ARHGAP21: variants seen among roughly 807,000 people sequenced by gnomAD.
ARHGAP21 encodes the protein rho GTPase-activating protein 21.
Under a neutral mutation model 164.6 loss-of-function variants are expected in ARHGAP21, and 38 were observed. That is an observed-to-expected ratio of 0.23 (90% CI 0.18 to 0.30). The LOEUF (loss-of-function observed/expected upper bound fraction) is 0.30. Ranked by LOEUF, ARHGAP21 falls within the 10% of genes least tolerant of loss-of-function variation. ARHGAP21 has a pLI of 1.00. For synonymous variants in ARHGAP21, 766 were observed against 857.9 expected (o/e 0.89, Z 1.87); for missense variants, 1,822 against 2,370.7 (o/e 0.77, Z 4.81).
chr10:24,675,510 T>C (rs1011727626), intron 2 of ARHGAP21, among the ~76,000 whole-genome samples: 3 of 152,224 alleles, frequency 2.0e-5, no homozygotes, highest in Admixed American at 6.5e-5. Context: ...TTTTCACTGG[T>C]GCATACTTGC....
chr10:24,598,965 T>C (rs989033290), intron 14 of ARHGAP21, among the ~76,000 whole-genome samples: 30 of 152,234 alleles, frequency 2.0e-4, no homozygotes, highest in African/African-American at 7.0e-4. Context: ...ATTCATATGG[T>C]TGCTGAGATT....
rs550258313 is a variant in ARHGAP21 at position 24,584,309 on chromosome 10, T to A, written c.*103A>T. ...TGCAAAATGATGAAACCAGCCCAAATGAAGGCTGCATAATAACAATTCTGA... is the reference window on the plus strand; with the variant it reads ...TGCAAAATGATGAAACCAGCCCAAAAGAAGGCTGCATAATAACAATTCTGA... On this transcript the variant is annotated 3_prime_UTR_variant, in exon 26 of 26. Transcript: ENST00000396432. The A allele has an allele frequency of 7.3e-7, 1 of 1,363,740 alleles. No homozygotes were observed. Among genetic ancestry groups the A allele is most frequent in the South Asian group, 1.4e-5 (1 of 69,634 alleles). The allele number at this position is 1,363,740 out of a possible 1,614,324, so 84.5% of individuals were successfully genotyped here.
intron 6 of ARHGAP21, among the ~76,000 whole-genome samples, chr10:24,631,455 A>G (rs538567987): frequency 5.3e-5 from 8 of 152,200 alleles, no homozygotes; most frequent in Non-Finnish European, 1.2e-4. Flanking sequence ...TAATCTAACA[A>G]TATCAGACAT....
chr10:24,692,663 C>T lies in ARHGAP21; in HGVS notation c.64-22266G>A, dbSNP rs1435516651. On this transcript the variant is annotated intron_variant, in intron 2 of 25. Coordinates refer to ENST00000396432, the MANE Select transcript of ARHGAP21 (RefSeq NM_020824.4). Reference sequence around the variant, plus strand: ...CCTGGCCAACATGGCGGAACCCCATCTCTACTAAAAATACAAAAAGTAGCT... The same window carrying T: ...CCTGGCCAACATGGCGGAACCCCATTTCTACTAAAAATACAAAAAGTAGCT... Among the ~76,000 whole-genome samples the T allele has an allele frequency of 2.0e-5, 3 of 152,152 alleles. No homozygotes were observed. The East Asian group carries it at 5.8e-4, about 29-fold the overall frequency.
intron 2 of ARHGAP21, among the ~76,000 whole-genome samples, chr10:24,699,117 A>G (rs1327501018): frequency 6.6e-6 from 1 of 152,136 alleles, no homozygotes; most frequent in East Asian, 1.9e-4. Flanking sequence ...AGTACTGTGT[A>G]TCTATCATTC....
At chr10:24,623,697 G>T (rs528507326) in intron 7 of ARHGAP21, among the ~76,000 whole-genome samples, 1 of 152,328 alleles carries the variant, frequency 6.6e-6, no homozygotes, top group Non-Finnish European at 1.5e-5. Flanking sequence ...ACCTGAAAAG[G>T]AGGATGGGGG....
At chr10:24,616,896 T>C (rs955205099) in intron 9 of ARHGAP21, among the ~76,000 whole-genome samples, 5 of 152,272 alleles carry the variant, frequency 3.3e-5, no homozygotes, top group African/African-American at 1.2e-4. Context: ...GTAAACAAAA[T>C]ACTGTTAATG....
chr10:24,604,920 C>T (rs181089622), intron 11 of ARHGAP21, among the ~76,000 whole-genome samples: 9 of 152,248 alleles, frequency 5.9e-5, no homozygotes, highest in Non-Finnish European at 4.4e-5. Context: ...CTTCAGGAGA[C>T]AGGTTCATGT....
At chr10:24,619,103 TG>T (rs1270422277) in intron 9 of ARHGAP21, among the ~76,000 whole-genome samples, 1 of 152,210 alleles carries the variant, frequency 6.6e-6, no homozygotes, top group Non-Finnish European at 1.5e-5. Flanking sequence ...ACTGTTTAAA[TG>T]AAAGGTTGGT....
At chr10:24,615,528 T>C (rs1833854228) in intron 9 of ARHGAP21, among the ~76,000 whole-genome samples, 1 of 152,190 alleles carries the variant, frequency 6.6e-6, no homozygotes. Context: ...TTTAAAAAAG[T>C]AAAATCCAAG....
chr10:24,704,301 T>C (rs1244789376), intron 2 of ARHGAP21, among the ~76,000 whole-genome samples: 4 of 148,864 alleles, frequency 2.7e-5, no homozygotes, highest in African/African-American at 9.9e-5. Context: ...TTTTTTTTTT[T>C]TTTTTTTGAG....
chr10:24,593,081 A>T (rs1026674617), intron 21 of ARHGAP21, among the ~76,000 whole-genome samples: 3 of 151,594 alleles, frequency 2.0e-5, no homozygotes, highest in African/African-American at 7.2e-5. Flanking sequence ...ATAACATCCC[A>T]GGGGGGTAAA....
At chr10:24,618,140 G>A (rs1834172929) in intron 9 of ARHGAP21, among the ~76,000 whole-genome samples, 1 of 152,128 alleles carries the variant, frequency 6.6e-6, no homozygotes, top group South Asian at 2.1e-4. Flanking sequence ...AAGGACATAA[G>A]TCATCACCTG....
Position 24,586,018 on chromosome 10 carries a change from G to A in ARHGAP21, c.4271C>T (p.Pro1424Leu), listed in dbSNP as rs774810878. ...FAAASRKRKK[P>L]KEKAQPSSSE... ...GCTGCTAGGCTGTGCTTTTTCTTTC[G>A]GCTTCTTCCTCTTGCGACTAGCAGC... Residue 1424 changes from proline (P) to leucine (L), a missense_variant, in exon 26 of 26, where the codon CCG becomes CTG. Pro to Leu is a moderately conservative substitution (Grantham distance 98, BLOSUM62 -3). This residue lies in a region of ARHGAP21 where 333 missense variants were observed against 383.9 expected (regional missense o/e 0.87). Coordinates refer to ENST00000396432, the MANE Select transcript of ARHGAP21 (RefSeq NM_020824.4). The A allele has an allele frequency of 2.6e-5, 42 of 1,613,576 alleles. No homozygotes were observed. The highest frequency in any genetic ancestry group is 3.1e-5 in the Non-Finnish European group (37 of 1,179,984).
At chr10:24,717,490 G>A (rs1845501453) in intron 2 of ARHGAP21, among the ~76,000 whole-genome samples, 1 of 152,138 alleles carries the variant, frequency 6.6e-6, no homozygotes, top group Non-Finnish European at 1.5e-5. Flanking sequence ...AGTCTTGCGG[G>A]TCAGGGAAGG....
chr10:24,687,845 C>G (rs940179522), intron 2 of ARHGAP21, among the ~76,000 whole-genome samples: 3 of 152,140 alleles, frequency 2.0e-5, no homozygotes, highest in Non-Finnish European at 4.4e-5. Context: ...AAGCTACAGA[C>G]GGTCAGACAC....
intron 2 of ARHGAP21, among the ~76,000 whole-genome samples, chr10:24,685,018 CT>C (rs911208482): frequency 3.3e-5 from 5 of 151,832 alleles, no homozygotes; most frequent in African/African-American, 9.7e-5. Flanking sequence ...CTTTAGTTTC[CT>C]TTTTTTTGTA....
intron 21 of ARHGAP21, 140 bp from the exon 22 acceptor site, chr10:24,592,152 CAA>C: frequency 1.9e-6 from 1 of 522,480 alleles, no homozygotes; most frequent in East Asian, 4.3e-5. Context: ...TGCTTTCTAG[CAA>C]GATTTTTTTT....
chr10:24,614,366 A>C (rs1428342055), intron 9 of ARHGAP21, among the ~76,000 whole-genome samples: 2 of 152,214 alleles, frequency 1.3e-5, no homozygotes, highest in Admixed American at 1.3e-4. Context: ...TAAACATATA[A>C]AACATTTTTA....
Sources: allele counts gnomAD v4.1 joint callset (sites outside exome capture counted in the v4.1 genomes callset), GRCh38; gene constraint gnomAD v4.1.1; regional missense constraint gnomAD v4.1.1; transcripts MANE v1.5; gene names NCBI Gene and HGNC (gene_info 2026-07-23, HGNC 2026-07-21).